Variants in GANC observed in about 807,000 individuals in gnomAD.
GANC encodes the protein neutral alpha-glucosidase C.
GANC carries 117 observed loss-of-function variants against 124.2 expected under a neutral mutation model. The observed-to-expected ratio is 0.94, with a 90% CI of 0.81 to 1.10. The LOEUF (loss-of-function observed/expected upper bound fraction) is 1.10, where lower values mean the gene tolerates loss of function less well. Among genes scored for constraint, GANC ranks in the 50% least tolerant of loss-of-function variants. The pLI, the probability that GANC is intolerant of heterozygous loss-of-function variation, is 0.00. For missense variants in GANC, 1,140 were observed against 1,095.0 expected, an observed-to-expected ratio of 1.04 and a Z score of -0.58; for synonymous variants, 377 against 376.8, an observed-to-expected ratio of 1.00 and a Z score of -0.01.
At chr15:42,315,932 A>G (rs912178542) in intron 10 of GANC, among the ~76,000 whole-genome samples, 1 of 152,162 alleles carries the variant, frequency 6.6e-6, no homozygotes, top group African/African-American at 2.4e-5. Flanking sequence ...GCCAGCCCCT[A>G]CAATCACACG....
In GANC at chr15:42,287,838, A is replaced by G. The variant is rs746988493; in HGVS notation, c.329+20A>G. The G allele has an allele frequency of 5.0e-6, 8 of 1,595,734 alleles. No homozygotes were observed. Among genetic ancestry groups the G allele is most frequent in the East Asian group, 4.5e-5 (2 of 44,670 alleles). On this transcript the variant is annotated intron_variant, in intron 4 of 23. Transcript: ENST00000318010. ...TGTAAGGTAAGCCAAGGAGCGAGGT[A>G]TTTTAGAGACACGCTTGATATATTC...
intron 15 of GANC, among the ~76,000 whole-genome samples, chr15:42,332,536 C>T (rs1353873979): frequency 6.6e-6 from 1 of 151,996 alleles, no homozygotes; most frequent in African/African-American, 2.4e-5. Context: ...TGATCAATAG[C>T]CATAGAGAAC....
intron 19 of GANC, among the ~76,000 whole-genome samples, chr15:42,343,682 G>C (rs1413297264): frequency 1.3e-5 from 2 of 152,060 alleles, no homozygotes; most frequent in Non-Finnish European, 2.9e-5. Context: ...TATCATCCTA[G>C]ACCTGCTGGA....
chr15:42,274,603 A>G lies in GANC; in HGVS notation c.29+93A>G, dbSNP rs934162722. ...TGCATTTCTTATTTGCGTATTTGGTATTTGCTGACCTTTATCTTTTCTCTC... is the reference window on the plus strand; with the variant it reads ...TGCATTTCTTATTTGCGTATTTGGTGTTTGCTGACCTTTATCTTTTCTCTC... On this transcript the variant is annotated intron_variant, in intron 1 of 23. Coordinates refer to ENST00000318010, the MANE Select transcript of GANC (RefSeq NM_198141.3). 7.3e-6 allele frequency: 9 copies of G among 1,239,680 alleles called. No individual in the cohort carries two copies. The African/African-American group carries it at 1.1e-4, about 15-fold the overall frequency. 76.8% of individuals were successfully genotyped at this position (1,239,680 alleles called of 1,614,324 possible). A position where few individuals can be genotyped will look rare whatever the true frequency, so the allele number is the denominator to read the frequency against.
intron 20 of GANC, among the ~76,000 whole-genome samples, chr15:42,347,120 G>A (rs1332271236): frequency 6.6e-6 from 1 of 151,682 alleles, no homozygotes; most frequent in African/African-American, 2.4e-5. Context: ...CATTCCCTTG[G>A]GCTGGACTCC....
At chr15:42,329,554 T>G (rs2052225370) in intron 14 of GANC, 105 bp downstream of exon 14, 2 of 1,228,172 alleles carry the variant, frequency 1.6e-6, no homozygotes, top group Admixed American at 2.6e-5. Flanking sequence ...TCATTTCTCT[T>G]TGTGTGTCTT....
rs2052300294 is a variant in GANC at position 42,338,369 on chromosome 15, A to C, written c.1742-20A>C. On this transcript the variant is annotated intron_variant, in intron 15 of 23. Coordinates refer to ENST00000318010, the MANE Select transcript of GANC (RefSeq NM_198141.3). ...ATGGGTTGATTTGTGATTTTAATAC[A>C]TTGTTGCTGGTGACCAAAGGTGCCG... is the stretch of plus-strand genomic sequence containing the variant. 3 of 1,577,100 alleles carry C rather than the reference A, an allele frequency of 1.9e-6. No homozygotes were observed. The South Asian group carries it at 3.3e-5, about 18-fold the overall frequency.
At chr15:42,339,564 G>C in intron 16 of GANC, 105 bp from the exon 17 acceptor site, 1 of 1,320,796 alleles carries the variant, frequency 7.6e-7, no homozygotes, top group Non-Finnish European at 1.0e-6. Flanking sequence ...CATTTGAAGT[G>C]CATATACTGC....
At chr15:42,326,656 C>T (rs2052200909) in intron 12 of GANC, among the ~76,000 whole-genome samples, 1 of 152,066 alleles carries the variant, frequency 6.6e-6, no homozygotes. Context: ...GAAAAATAAA[C>T]AAGCAAACCT....
intron 10 of GANC, chr15:42,313,896 A>G (rs7173358): frequency 0.96 from 569,725 of 592,218 alleles, 276,282 homozygotes; most frequent in Non-Finnish European, 1. Flanking sequence ...AGGCTGCAGT[A>G]AGCACTGTTC....
At chr15:42,293,368 G>A (rs2051860988) in intron 5 of GANC, among the ~76,000 whole-genome samples, 1 of 152,116 alleles carries the variant, frequency 6.6e-6, no homozygotes, top group South Asian at 2.1e-4. Flanking sequence ...TGGTGGTAAG[G>A]AGGAGATTCT....
chr15:42,334,924 T>C (rs2052272861), intron 15 of GANC, among the ~76,000 whole-genome samples: 1 of 151,926 alleles, frequency 6.6e-6, no homozygotes, highest in Non-Finnish European at 1.5e-5. Flanking sequence ...CAAGAAGAAA[T>C]TGAATCCCTG....
At chr15:42,282,994 C>T (rs1242789684) in intron 3 of GANC, among the ~76,000 whole-genome samples, 2 of 152,214 alleles carry the variant, frequency 1.3e-5, no homozygotes, top group Non-Finnish European at 2.9e-5. Context: ...AGGACTTCCT[C>T]AACCTCGTTA....
intron 3 of GANC, among the ~76,000 whole-genome samples, chr15:42,287,436 C>G (rs1254606302): frequency 2.0e-5 from 3 of 152,166 alleles, no homozygotes; most frequent in Non-Finnish European, 4.4e-5. Context: ...TTCTTTCACT[C>G]TGAAGATCCT....
At chr15:42,308,003 A>G (rs746176787) in intron 7 of GANC, among the ~76,000 whole-genome samples, 2 of 152,226 alleles carry the variant, frequency 1.3e-5, no homozygotes, top group Admixed American at 6.5e-5. Context: ...CAACAGAACT[A>G]ATACATGACC....
rs2051600518 is a variant in GANC at position 42,273,335 on chromosome 15, A to T, written c.-1147A>T. 6.2e-7 allele frequency: 1 copy of T among 1,614,150 alleles called. No individual in the cohort carries two copies. Among genetic ancestry groups the T allele is most frequent in the Non-Finnish European group, 8.5e-7 (1 of 1,180,036 alleles). On this transcript the variant is annotated 5_prime_UTR_variant, in exon 1 of 24. Transcript: ENST00000318010. ...CCCGCACTGAAAAACGACAGTGGTG[A>T]CGGGTGAGCTCCCAGAAGCAGAAGA...
chr15:42,302,435 C>T (rs886397293), intron 6 of GANC, among the ~76,000 whole-genome samples: 7 of 152,124 alleles, frequency 4.6e-5, no homozygotes, highest in East Asian at 1.9e-4. Flanking sequence ...AAAACCAGAA[C>T]ACCTCTTCTC....
intron 6 of GANC, among the ~76,000 whole-genome samples, chr15:42,305,989 T>C (rs2051991575): frequency 6.6e-6 from 1 of 150,714 alleles, no homozygotes. Flanking sequence ...TAATACCTAA[T>C]GTAGATGATG....
In GANC at chr15:42,335,220, A is replaced by G. The variant is rs141557326; in HGVS notation, c.1742-3169A>G. On this transcript the variant is annotated intron_variant, in intron 15 of 23. Coordinates refer to ENST00000318010, the MANE Select transcript of GANC (RefSeq NM_198141.3). ...ACATTGATGCAAAAATCCTCAACAA[A>G]ATACTGGCAGACTGAATTCAGCAGC... is the stretch of plus-strand genomic sequence containing the variant. 1.8e-4 allele frequency among the ~76,000 whole-genome samples: 27 copies of G among 152,292 alleles called. No individual in the cohort carries two copies. In the East Asian group the frequency reaches 5.0e-3, roughly 28 times the overall value.
Sources: allele counts gnomAD v4.1 joint callset (sites outside exome capture counted in the v4.1 genomes callset), GRCh38; gene constraint gnomAD v4.1.1; transcripts MANE v1.5; gene names NCBI Gene and HGNC (gene_info 2026-07-23, HGNC 2026-07-21).